The following SLC39A11 variants were observed in gnomAD, a reference collection of about 807,000 sequenced individuals.
SLC39A11 encodes the protein zinc transporter ZIP11.
SLC39A11 carries 33 observed loss-of-function variants against 36.1 expected under a neutral mutation model. The observed-to-expected ratio is 0.91, with a 90% CI of 0.69 to 1.22. The LOEUF (loss-of-function observed/expected upper bound fraction) is 1.22, where lower values mean the gene tolerates loss of function less well. Among genes scored for constraint, SLC39A11 ranks in the 50% most tolerant of loss-of-function variants. The probability of loss-of-function intolerance (pLI) is 0.00; values close to 1 mark genes in which losing one functional copy is unlikely to be tolerated. For missense variants in SLC39A11, 432 were observed against 430.3 expected, an observed-to-expected ratio of 1.00 and a Z score of -0.03; for synonymous variants, 166 against 170.3, an observed-to-expected ratio of 0.97 and a Z score of 0.20.
At chr17:72,985,211 A>G (rs9897578) in intron 4 of SLC39A11, among the ~76,000 whole-genome samples, 78,774 of 151,938 alleles carry the variant, frequency 0.52, 21,380 homozygotes, top group Middle Eastern at 0.69. Context: ...CAGGGGGGAA[A>G]GGACAGAAAG....
intron 4 of SLC39A11, among the ~76,000 whole-genome samples, chr17:72,954,107 T>C (rs147679700): frequency 1.6e-3 from 247 of 152,296 alleles, no homozygotes; most frequent in African/African-American, 5.6e-3. Context: ...AGTGCAGTGG[T>C]GTGATCTCAG....
intron 5 of SLC39A11, among the ~76,000 whole-genome samples, chr17:72,860,629 CGTACCAGGCTTGGT>C (rs2079928531): frequency 6.6e-6 from 1 of 152,150 alleles, no homozygotes; most frequent in Non-Finnish European, 1.5e-5. Flanking sequence ...GCGAAAAACC[CGTACCAGGCTTGGT>C]GCACGTTCCT....
At chr17:72,733,116 C>T (rs761741222) in intron 7 of SLC39A11, among the ~76,000 whole-genome samples, 2 of 152,186 alleles carry the variant, frequency 1.3e-5, no homozygotes, top group Non-Finnish European at 2.9e-5. Context: ...CGGCTCCATC[C>T]GCTCCATAGG....
At chr17:72,776,248 C>T (rs1056054014) in intron 6 of SLC39A11, among the ~76,000 whole-genome samples, 5 of 152,194 alleles carry the variant, frequency 3.3e-5, no homozygotes, top group South Asian at 4.1e-4. Flanking sequence ...CATCCCATGA[C>T]GGCACTCAAT....
At chr17:72,799,224 C>T (rs1265304322) in intron 6 of SLC39A11, among the ~76,000 whole-genome samples, 1 of 152,156 alleles carries the variant, frequency 6.6e-6, no homozygotes, top group African/African-American at 2.4e-5. Context: ...TTTCTTATGC[C>T]TGTCTTGTCT....
At chr17:72,953,067 C>T (rs1486313018) in intron 4 of SLC39A11, among the ~76,000 whole-genome samples, 3 of 152,178 alleles carry the variant, frequency 2.0e-5, no homozygotes, top group East Asian at 3.8e-4. Context: ...CTTCTTCCCG[C>T]ATCCCCACCC....
intron 6 of SLC39A11, among the ~76,000 whole-genome samples, chr17:72,757,749 C>G (rs1187701587): frequency 2.0e-5 from 3 of 152,146 alleles, no homozygotes; most frequent in Admixed American, 6.5e-5. Flanking sequence ...GCAGCCATCG[C>G]TGGCTCCCTA....
intron 1 of SLC39A11, 83 bp from the exon 2 acceptor site, chr17:73,088,858 T>G: frequency 9.9e-7 from 1 of 1,011,908 alleles, no homozygotes; most frequent in East Asian, 2.7e-5. Flanking sequence ...TAACACCCTG[T>G]GTGGGAGCTG....
intron 7 of SLC39A11, among the ~76,000 whole-genome samples, chr17:72,716,992 T>TATATATACAC (rs773086532): frequency 6.3e-5 from 8 of 126,460 alleles, no homozygotes; most frequent in Non-Finnish European, 1.1e-4. Context: ...TATATATATA[T>TATATATACAC]ACACACACAC....
intron 6 of SLC39A11, among the ~76,000 whole-genome samples, chr17:72,832,063 T>C (rs2078308179): frequency 6.6e-6 from 1 of 152,206 alleles, no homozygotes; most frequent in South Asian, 2.1e-4. Context: ...CAAACCTTGG[T>C]ACAAGATATA....
At chr17:72,949,143 G>GTTTTTT (rs1568004786) in intron 4 of SLC39A11, among the ~76,000 whole-genome samples, 1 of 52,546 alleles carries the variant, frequency 1.9e-5, no homozygotes, top group East Asian at 7.1e-4. Flanking sequence ...ACACTGGGCA[G>GTTTTTT]CTTTTTTTTT....
chr17:73,063,382 T>G (rs1215778802), intron 3 of SLC39A11, among the ~76,000 whole-genome samples: 3 of 152,144 alleles, frequency 2.0e-5, no homozygotes, highest in African/African-American at 7.2e-5. Flanking sequence ...TCTTTCACTC[T>G]TATAAACTCT....
intron 6 of SLC39A11, among the ~76,000 whole-genome samples, chr17:72,815,121 G>A (rs949420447): frequency 6.6e-6 from 1 of 152,238 alleles, no homozygotes; most frequent in Admixed American, 6.5e-5. Flanking sequence ...AGGAGATGCT[G>A]AAGTTCTATT....
intron 3 of SLC39A11, among the ~76,000 whole-genome samples, chr17:73,045,973 C>G (rs528131450): frequency 1.3e-5 from 2 of 152,188 alleles, no homozygotes; most frequent in Non-Finnish European, 2.9e-5. Context: ...CCTCCCCAAC[C>G]CCAGCATCAC....
chr17:72,934,615 G>A (rs1011299908), intron 5 of SLC39A11, among the ~76,000 whole-genome samples: 4 of 152,088 alleles, frequency 2.6e-5, no homozygotes, highest in East Asian at 1.9e-4. Context: ...GCTGTGAGCC[G>A]AGATTGCGCC....
chr17:72,647,615 A>G lies in SLC39A11; in HGVS notation c.977T>C (p.Val326Ala). The G allele has an allele frequency of 6.2e-7, 1 of 1,613,964 alleles. No individual in the cohort carries two copies. The highest frequency in any genetic ancestry group is 8.5e-7 in the Non-Finnish European group (1 of 1,179,936). Residue 326 changes from valine to alanine, a missense_variant, in exon 10 of 10, where the codon GTG (valine) becomes GCG (alanine). Physicochemically the swap from Val to Ala is moderately conservative, Grantham distance 64. Coordinates refer to ENST00000255559, the MANE Select transcript of SLC39A11 (RefSeq NM_139177.4). ...CAGGCCAACGTCCAGTGACATCATC[A>G]CTACAAATCCCAGGATGGAGGCCCA... ...ASWASILGFVVMMSLDVGLG is the reference protein window; with the variant it reads ...ASWASILGFVAMMSLDVGLG
intron 6 of SLC39A11, among the ~76,000 whole-genome samples, chr17:72,754,344 C>T (rs191872860): frequency 7.6e-4 from 115 of 152,116 alleles, no homozygotes; most frequent in Non-Finnish European, 1.5e-3. Flanking sequence ...GGGTTCAGTG[C>T]ATACTGCTCG....
At chr17:72,917,644 A>G (rs1450606534) in intron 5 of SLC39A11, among the ~76,000 whole-genome samples, 1 of 152,132 alleles carries the variant, frequency 6.6e-6, no homozygotes, top group East Asian at 1.9e-4. Context: ...CAATTTAACT[A>G]GGGCCCTTGT....
intron 3 of SLC39A11, among the ~76,000 whole-genome samples, chr17:73,057,769 C>G (rs146028474): frequency 6.6e-6 from 1 of 152,124 alleles, no homozygotes; most frequent in Non-Finnish European, 1.5e-5. Context: ...GAAACCCTGT[C>G]TCTACAAAAA....
Sources: gnomAD v4.1 joint callset for allele counts (sites outside exome capture counted in the v4.1 genomes callset) on GRCh38, gnomAD v4.1.1 for gene constraint, MANE v1.5 for transcripts, NCBI Gene and HGNC (gene_info 2026-07-23, HGNC 2026-07-21) for gene names.